Variants in CARMIL3 observed in about 807,000 individuals in gnomAD.
The protein encoded by CARMIL3 is capping protein regulator and myosin 1 linker 3.
CARMIL3 carries 88 observed loss-of-function variants against 180.8 expected under a neutral mutation model. The observed-to-expected ratio is 0.49, with a 90% CI of 0.41 to 0.58. CARMIL3 has a LOEUF of 0.58. Among genes scored for constraint, CARMIL3 ranks in the 20% least tolerant of loss-of-function variants. The pLI is 0.00. For synonymous variants in CARMIL3, 696 were observed against 714.5 expected, an observed-to-expected ratio of 0.97 and a Z score of 0.41; for missense variants, 1,548 against 1,787.0, an observed-to-expected ratio of 0.87 and a Z score of 2.41.
chr14:24,056,216 A>G, intron 10 of CARMIL3, 83 bp from the exon 11 acceptor site: 1 of 1,123,810 alleles, frequency 8.9e-7, no homozygotes, highest in Non-Finnish European at 1.3e-6. Context: ...CCAGCCAGGC[A>G]GTCAGGTAGA....
At chr14:24,066,256 G>A in intron 34 of CARMIL3, 142 bp from the exon 35 acceptor site, 7 of 937,032 alleles carry the variant, frequency 7.5e-6, no homozygotes, top group Non-Finnish European at 1.1e-5. Flanking sequence ...AGGTATGGGT[G>A]CCACTCTTTG....
In CARMIL3 at chr14:24,059,483, C is replaced by T. The variant is rs1262197178; in HGVS notation, c.1799+41C>T. 2 of 1,547,946 alleles carry T rather than the reference C, an allele frequency of 1.3e-6. No individual in the cohort carries two copies. Among genetic ancestry groups the T allele is most frequent in the East Asian group, 4.9e-5 (2 of 40,914 alleles). ...GGACCCCCTGACCTGGAGCCCCAGC[C>T]CCTCCCCATATGTACATAATCTCCC... On this transcript the variant is annotated intron_variant, in intron 21 of 39. Coordinates refer to ENST00000342740, the MANE Select transcript of CARMIL3 (RefSeq NM_138360.4). The surrounding 1 kb of genome is among the most constrained non-coding windows in gnomAD (Gnocchi z 6.3).
intron 33 of CARMIL3, 159 bp downstream of exon 33, chr14:24,065,432 C>A: frequency 9.5e-7 from 1 of 1,053,172 alleles, no homozygotes; most frequent in Non-Finnish European, 1.3e-6. Flanking sequence ...GGACTAAGAC[C>A]CAGTGGCCAA....
At position 24,059,089 on chromosome 14, in the gene CARMIL3, T is replaced by C; in HGVS notation, c.1572-46T>C. ...CCACCTCTCTCCTCCTCCAATAGCA[T>C]GACCCCAGCCCTTCCCCTCCTACTC... On this transcript the variant is annotated intron_variant, in intron 19 of 39. Coordinates refer to ENST00000342740, the MANE Select transcript of CARMIL3 (RefSeq NM_138360.4). The surrounding 1 kb of genome is among the most constrained non-coding windows in gnomAD (Gnocchi z 6.3). The C allele has an allele frequency of 6.3e-7, 1 of 1,585,408 alleles. No individual in the cohort carries two copies. Among genetic ancestry groups the C allele is most frequent in the Non-Finnish European group, 8.6e-7 (1 of 1,165,726 alleles).
intron 32 of CARMIL3, among the ~76,000 whole-genome samples, chr14:24,064,715 G>C (rs2035767698): frequency 6.6e-6 from 1 of 152,208 alleles, no homozygotes; most frequent in African/African-American, 2.4e-5. Flanking sequence ...GGAGGAGCCA[G>C]GTCACTTGGA....
At chr14:24,066,180 A>T (rs959000185) in intron 34 of CARMIL3, among the ~76,000 whole-genome samples, 1 of 152,208 alleles carries the variant, frequency 6.6e-6, no homozygotes, top group African/African-American at 2.4e-5. Context: ...TACATGTAAA[A>T]TACATATGTA....
chr14:24,057,155 T>C lies in CARMIL3; in HGVS notation c.1063-12T>C. 6.2e-7 allele frequency: 1 copy of C among 1,613,444 alleles called. No individual in the cohort carries two copies. The highest frequency in any genetic ancestry group is 1.1e-5 in the South Asian group (1 of 90,902). On this transcript the variant is annotated splice_polypyrimidine_tract_variant and intron_variant, in intron 13 of 39. Coordinates refer to ENST00000342740, the MANE Select transcript of CARMIL3 (RefSeq NM_138360.4). ...TCCCTTCCCCTGCAACCCCTCTTCC[T>C]TCCTACTCCAGGCCCTCTACAGTTT...
At chr14:24,055,664 C>A in intron 9 of CARMIL3, 37 bp from the exon 10 acceptor site, 1 of 1,613,772 alleles carries the variant, frequency 6.2e-7, no homozygotes, top group Non-Finnish European at 8.5e-7. Context: ...TAGTGCCCCC[C>A]TTGGCCCCTG....
At chr14:24,064,099 A>G in intron 31 of CARMIL3, 147 bp from the exon 32 acceptor site, 1 of 582,622 alleles carries the variant, frequency 1.7e-6, no homozygotes. Flanking sequence ...GTCTCAAAAA[A>G]AAAAAAAAAA....
chr14:24,068,735 T>C, intron 37 of CARMIL3, 33 bp downstream of exon 37: 1 of 1,613,662 alleles, frequency 6.2e-7, no homozygotes, highest in Non-Finnish European at 8.5e-7. Context: ...GGGGAGGCAC[T>C]TTGATGAGGC....
Position 24,062,728 on chromosome 14 carries a change from T to G in CARMIL3, c.2588T>G (p.Leu863Arg). 1 of 1,611,630 alleles carries G rather than the reference T, an allele frequency of 6.2e-7. No individual in the cohort carries two copies. The highest frequency in any genetic ancestry group is 1.7e-4 in the Middle Eastern group (1 of 6,044). The change falls in exon 29 of 40, where the codon CTA (leucine) becomes CGA (arginine). Residue 863 changes from leucine to arginine, a missense_variant. Transcript: ENST00000342740. ...CCCCAGGCCCGGCACCTGACCCAGC[T>G]AAGGACGCTGTCAGATCCACCAGGG... ...HKSLARHLTQ[L>R]RTLSDPPGCP...
At chr14:24,068,127 G>A (rs1443175021) in intron 36 of CARMIL3, among the ~76,000 whole-genome samples, 15 of 152,342 alleles carry the variant, frequency 9.8e-5, no homozygotes, top group East Asian at 9.6e-4. Flanking sequence ...GACCGGGTGC[G>A]GTGGCTCATG....
chr14:24,056,786 C>G (rs1285662256), intron 12 of CARMIL3, 78 bp downstream of exon 12: 109 of 1,513,006 alleles, frequency 7.2e-5, no homozygotes, highest in Non-Finnish European at 9.4e-5. Flanking sequence ...GGTACACCCA[C>G]ACATTCACAC....
At chr14:24,057,915 C>T in intron 15 of CARMIL3, 36 bp downstream of exon 15, 1 of 1,613,106 alleles carries the variant, frequency 6.2e-7, no homozygotes, top group Non-Finnish European at 8.5e-7. Context: ...CAGGGCAAGA[C>T]ATGGCCAACC....
At position 24,060,253 on chromosome 14, in the gene CARMIL3, C is replaced by T; in HGVS notation, c.2059C>T (p.Gln687Ter). 6.2e-7 allele frequency: 1 copy of T among 1,614,100 alleles called. No individual in the cohort carries two copies. The highest frequency in any genetic ancestry group is 8.5e-7 in the Non-Finnish European group (1 of 1,180,010). Reference protein sequence around the residue: ...QQGLVTSSAEQMLQRLCGRVQ... With the variant: ...QQGLVTSSAE ...GGGCCTGGTGACCAGCAGCGCCGAG[C>T]AAGTAAACGTTTCCCTCTGGGACAC... The change falls in exon 24 of 40, where the codon CAA (glutamine) becomes TAA (stop). Residue 687 changes from glutamine (Q) to a stop codon, truncating the protein, a stop_gained and splice_region_variant. Coordinates refer to ENST00000342740, the MANE Select transcript of CARMIL3 (RefSeq NM_138360.4). LOFTEE classifies it high-confidence loss of function.
In CARMIL3 at chr14:24,064,289, G is replaced by C; in HGVS notation, c.3023G>C (p.Arg1008Pro). 1 of 1,612,852 alleles carries C rather than the reference G, an allele frequency of 6.2e-7. No homozygotes were observed. The highest frequency in any genetic ancestry group is 8.5e-7 in the Non-Finnish European group (1 of 1,179,426). The change falls in exon 32 of 40, where the codon CGC becomes CCC. Residue 1008 changes from arginine to proline, a missense_variant. Arg to Pro is a moderately radical substitution (Grantham distance 103). Transcript: ENST00000342740. ...CGTCAGGAGAATGGGATGGCCACCC[G>C]CCTGGATGAAGGGCTGGAGGACTTC... The part of the protein sequence containing the change: ...GTRQENGMAT[R>P]LDEGLEDFFS...
chr14:24,052,984 CCTG>C (rs1260573025), intron 1 of CARMIL3, among the ~76,000 whole-genome samples: 6 of 152,182 alleles, frequency 3.9e-5, no homozygotes, highest in East Asian at 3.9e-4. Flanking sequence ...ATCTCCCACA[CCTG>C]CACACACACA....
In CARMIL3 at chr14:24,055,599, A is replaced by G. The variant is rs2035663710; in HGVS notation, c.662A>G (p.Tyr221Cys). 1 of 1,614,114 alleles carries G rather than the reference A, an allele frequency of 6.2e-7. No homozygotes were observed. Among genetic ancestry groups the G allele is most frequent in the Non-Finnish European group, 8.5e-7 (1 of 1,180,036 alleles). Residue 221 changes from tyrosine (Y) to cysteine (C), a missense_variant, in exon 9 of 40, where the codon TAC (tyrosine) becomes TGC (cysteine). Physicochemically the swap from Tyr to Cys is radical, Grantham distance 194. This residue lies in a region of CARMIL3 where 578 missense variants were observed against 666.5 expected (regional missense o/e 0.87). Coordinates refer to ENST00000342740, the MANE Select transcript of CARMIL3 (RefSeq NM_138360.4). ...LAYNQWFTKL[Y>C]CKDLRLGSEV... ...TACAACCAGTGGTTCACCAAACTCT[A>G]CTGCAAGGACTTGCGGCTGGTAGGA...
chr14:24,059,734 T>C lies in CARMIL3; in HGVS notation c.1868+2T>C. 1 of 1,613,722 alleles carries C rather than the reference T, an allele frequency of 6.2e-7. No individual in the cohort carries two copies. Among genetic ancestry groups the C allele is most frequent in the Non-Finnish European group, 8.5e-7 (1 of 1,179,886 alleles). On this transcript the variant is annotated splice_donor_variant, in intron 22 of 39. Coordinates refer to ENST00000342740, the MANE Select transcript of CARMIL3 (RefSeq NM_138360.4). LOFTEE classifies it high-confidence loss of function. The surrounding 1 kb of genome is among the most constrained non-coding windows in gnomAD (Gnocchi z 6.3). ...GGACATCGCAAGGGCCCTGGAGAGGTGAGTAGACCATGGTCCTGCCCTGAT... is the reference window on the plus strand; with the variant it reads ...GGACATCGCAAGGGCCCTGGAGAGGCGAGTAGACCATGGTCCTGCCCTGAT...
Sources: gnomAD v4.1 joint callset for allele counts (sites outside exome capture counted in the v4.1 genomes callset) on GRCh38, gnomAD v4.1.1 for gene constraint, gnomAD v4.1.1 regional missense constraint, Gnocchi (gnomAD v3.1) non-coding constraint, MANE v1.5 for transcripts, NCBI Gene and HGNC (gene_info 2026-07-23, HGNC 2026-07-21) for gene names.